Variants in CNBD2 observed in about 807,000 individuals in gnomAD.
CNBD2 encodes the protein cyclic nucleotide binding domain containing 2, also known as cyclic nucleotide-binding domain-containing protein 2.
In CNBD2, 64 loss-of-function variants were observed where a neutral mutation model predicts 63.7. That is an observed-to-expected ratio of 1.00 (90% CI 0.82 to 1.24). CNBD2 has a LOEUF of 1.24. Ranked by LOEUF, CNBD2 falls within the 50% of genes most tolerant of loss-of-function variation. The pLI, the probability that CNBD2 is intolerant of heterozygous loss-of-function variation, is 0.00. For missense variants in CNBD2, 691 were observed against 713.5 expected (o/e 0.97, Z 0.36); for synonymous variants, 229 against 255.4 (o/e 0.90, Z 0.99).
At chr20:35,959,104 A>T (rs1353876276), downstream of CNBD2, 1 of 152,238 alleles carries the variant, frequency 6.6e-6, no homozygotes, top group East Asian at 1.9e-4. Context: ...GGCTTTGGGT[A>T]ATCACTTATC....
chr20:35,984,870 G>A (rs2056647569), intron 6 of CNBD2, 92 bp downstream of exon 6: 2 of 1,322,640 alleles, frequency 1.5e-6, no homozygotes, highest in South Asian at 1.3e-5. Flanking sequence ...AAACATACTG[G>A]TTGCTGTTCT....
chr20:36,023,728 G>A lies in CNBD2; in HGVS notation c.1396G>A (p.Glu466Lys), dbSNP rs140164976. Residue 466 changes from glutamate to lysine, a missense_variant, in exon 11 of 12, where the codon GAG becomes AAG. Glu to Lys is a moderately conservative substitution (Grantham distance 56, BLOSUM62 1). Coordinates refer to ENST00000373973, the MANE Select transcript of CNBD2 (RefSeq NM_001365709.1). ...TTATGAACTGATTGACAATGATGAC[G>A]AGATGATAAAAAAGTTGTTAAAGCT... ...IFYELIDNDD[E>K]MIKKLLKLNI... The A allele has an allele frequency of 6.2e-3, 10,052 of 1,613,418 alleles. 56 individuals carry two copies. Among genetic ancestry groups the A allele is most frequent in the Non-Finnish European group, 7.2e-3 (8,521 of 1,179,754 alleles).
downstream of CNBD2, among the ~76,000 whole-genome samples, chr20:35,959,715 A>G (rs1339027831): frequency 2.6e-5 from 4 of 152,212 alleles, no homozygotes; most frequent in Non-Finnish European, 4.4e-5. Context: ...ACATCTGTGT[A>G]TGTGTGATAC....
chr20:36,022,195 C>CTTTT (rs753206662), intron 10 of CNBD2, among the ~76,000 whole-genome samples: 20 of 56,260 alleles, frequency 3.6e-4, no homozygotes, highest in Admixed American at 6.0e-4. Flanking sequence ...TTTTTTTTTT[C>CTTTT]TTTTTTTTTT....
chr20:35,963,196 T>G (rs566097687), intron 2 of CNBD2, among the ~76,000 whole-genome samples: 51 of 151,504 alleles, frequency 3.4e-4, no homozygotes, highest in Admixed American at 2.7e-3. Context: ...AAAAAATTAG[T>G]CAGTCATGGT....
intron 11 of CNBD2, among the ~76,000 whole-genome samples, chr20:36,024,664 C>CA (rs1285559927): frequency 3.1e-4 from 47 of 150,812 alleles, no homozygotes; most frequent in Admixed American, 1.1e-3. Context: ...CGTGGTGGCT[C>CA]ATGCCTGTAA....
downstream of CNBD2, among the ~76,000 whole-genome samples, chr20:35,956,822 G>T (rs1017298745): frequency 6.6e-6 from 1 of 152,162 alleles, no homozygotes; most frequent in Non-Finnish European, 1.5e-5. Flanking sequence ...AGAACAAAAT[G>T]GGTGGGGCTC....
chr20:35,992,341 A>C (rs945746231), intron 7 of CNBD2, among the ~76,000 whole-genome samples: 2 of 152,172 alleles, frequency 1.3e-5, no homozygotes, highest in African/African-American at 4.8e-5. Context: ...AGGAATTTTC[A>C]AATTTTGGTA....
At chr20:36,028,630 C>T (rs1257535769) in intron 11 of CNBD2, among the ~76,000 whole-genome samples, 1 of 151,256 alleles carries the variant, frequency 6.6e-6, no homozygotes, top group Non-Finnish European at 1.5e-5. Context: ...AACAGACAGA[C>T]AGTATGAACT....
In CNBD2 at chr20:36,030,616, C is replaced by A. The variant is rs1469215897; in HGVS notation, c.1699C>A (p.Pro567Thr). ...PLRIVQAIKA[P>T]RYKIRELLA ...GAGGATTGTCCAAGCCATCAAAGCACCTCGGTACAAAATCCGAGAACTCTT... is the reference window on the plus strand; with the variant it reads ...GAGGATTGTCCAAGCCATCAAAGCAACTCGGTACAAAATCCGAGAACTCTT... Residue 567 changes from proline (P) to threonine (T), a missense_variant, in exon 12 of 12, where the codon CCT (proline) becomes ACT (threonine). Transcript: ENST00000373973. The A allele has an allele frequency of 1.2e-6, 2 of 1,614,058 alleles. No individual in the cohort carries two copies. The highest frequency in any genetic ancestry group is 1.1e-5 in the South Asian group (1 of 91,088).
At chr20:35,973,146 A>G (rs528686148) in intron 2 of CNBD2, 6 of 340,372 alleles carry the variant, frequency 1.8e-5, no homozygotes, top group South Asian at 7.7e-5. Context: ...TTCATCAAAG[A>G]GTTTAAGTCA....
intron 8 of CNBD2, among the ~76,000 whole-genome samples, chr20:36,002,900 T>A (rs1029811939): frequency 2.0e-5 from 3 of 152,122 alleles, no homozygotes; most frequent in African/African-American, 7.2e-5. Context: ...TTGCTTACAA[T>A]CCAATATATT....
intron 11 of CNBD2, among the ~76,000 whole-genome samples, chr20:36,028,035 A>G (rs1197187853): frequency 6.6e-6 from 1 of 152,208 alleles, no homozygotes; most frequent in Non-Finnish European, 1.5e-5. Context: ...CAGTCTTGTG[A>G]GAAAAACAAG....
chr20:35,968,334 G>C (rs889871302), upstream of CNBD2, among the ~76,000 whole-genome samples: 1 of 149,046 alleles, frequency 6.7e-6, no homozygotes, highest in Non-Finnish European at 1.5e-5. Flanking sequence ...ACAGCTAGGG[G>C]GTCCTAGATC....
rs1304941089 is a variant in CNBD2, at chr20:35,984,694, T to C, written c.632T>C (p.Leu211Pro). 6.2e-7 allele frequency: 1 copy of C among 1,614,112 alleles called. No homozygotes were observed. Residue 211 changes from leucine (L) to proline (P), a missense_variant, in exon 6 of 12, where the codon CTG (leucine) becomes CCG (proline). Physicochemically the swap from Leu to Pro is moderately conservative, Grantham distance 98. Coordinates refer to ENST00000373973, the MANE Select transcript of CNBD2 (RefSeq NM_001365709.1). ...GTCTGTATGGAAGAAACGGAGTTCC[T>C]GGTTGTTGACCGGGAGGACTTCTTT... ...TIVCMEETEF[L>P]VVDREDFFAN...
chr20:35,954,433 G>A, upstream of CNBD2: 3 of 1,550,174 alleles, frequency 1.9e-6, no homozygotes, highest in South Asian at 1.2e-5. Context: ...CCGGCCGAGA[G>A]TGTGCGGAGC....
intron 7 of CNBD2, among the ~76,000 whole-genome samples, chr20:35,991,943 C>T (rs1399243945): frequency 2.0e-5 from 3 of 151,828 alleles, no homozygotes; most frequent in South Asian, 2.1e-4. Context: ...TGCAATGGCA[C>T]GATCTTGGCT....
At chr20:35,968,587 C>T (rs1037968823), upstream of CNBD2, 5 of 533,206 alleles carry the variant, frequency 9.4e-6, no homozygotes, top group African/African-American at 5.8e-5. Context: ...AATGATTTTT[C>T]TCAGAGCAGG....
intron 10 of CNBD2, among the ~76,000 whole-genome samples, chr20:36,019,588 C>T (rs1237990209): frequency 2.1e-5 from 3 of 140,646 alleles, no homozygotes; most frequent in Non-Finnish European, 4.6e-5. Context: ...GAAAAGTGTT[C>T]AAGACAGACA....
Sources: allele counts gnomAD v4.1 joint callset (sites outside exome capture counted in the v4.1 genomes callset), GRCh38; gene constraint gnomAD v4.1.1; transcripts MANE v1.5; gene names NCBI Gene and HGNC (gene_info 2026-07-23, HGNC 2026-07-21).